The following ADGRB1 variants were observed in gnomAD, a reference collection of about 807,000 sequenced individuals.
ADGRB1 encodes the protein brain-specific angiogenesis inhibitor 1.
ADGRB1 carries 36 observed loss-of-function variants against 175.7 expected under a neutral mutation model. The ratio of observed to expected loss-of-function variants is 0.20; its 90% CI spans 0.16 to 0.27. The LOEUF (loss-of-function observed/expected upper bound fraction) is 0.27, where lower values mean the gene tolerates loss of function less well. Ranked by LOEUF, ADGRB1 falls within the 10% of genes least tolerant of loss-of-function variation. The pLI is 1.00. For synonymous variants in ADGRB1, 1,054 were observed against 979.4 expected (o/e 1.08, Z -1.42); for missense variants, 1,731 against 2,255.3 (o/e 0.77, Z 4.71).
chr8:142,511,006 T>A lies in ADGRB1; in HGVS notation c.2750T>A (p.Leu917His), dbSNP rs1365362749. The change falls in exon 18 of 31, where the codon CTC becomes CAC. Residue 917 changes from leucine (L) to histidine (H), a missense_variant. Around this residue, in one of 8 missense-constraint regions of ADGRB1, gnomAD observed 77 missense variants for 71.6 expected, o/e 1.08. Transcript: ENST00000517894. This position sits in a 1 kb window ranked among gnomAD's most constrained non-coding sequence, Gnocchi z 4.5. The stretch of plus-strand genomic sequence containing the variant: ...TGCCGCACGGTGCCCCTCGACGCCC[T>A]CCGGACGCGCTGCCTCTGTGACCGG... ...RGCRTVPLDA[L>H]RTRCLCDRLS... The A allele has an allele frequency of 1.2e-4, 157 of 1,302,272 alleles. No homozygotes were observed. Among genetic ancestry groups the A allele is most frequent in the Non-Finnish European group, 1.1e-5 (11 of 1,007,508 alleles). The allele number at this position is 1,302,272 out of a possible 1,614,324, so 80.7% of individuals were successfully genotyped here.
At chr8:142,490,859 G>T (rs751610281) in intron 17 of ADGRB1, 44 bp downstream of exon 17, 71 of 1,553,370 alleles carry the variant, frequency 4.6e-5, no homozygotes, top group African/African-American at 9.5e-5. Flanking sequence ...CTGGGGTGGG[G>T]TTCGTGGGAG....
intron 13 of ADGRB1, among the ~76,000 whole-genome samples, chr8:142,487,269 A>G (rs1004197787): frequency 2.0e-5 from 3 of 151,876 alleles, no homozygotes. Context: ...GTGCTGCTCC[A>G]GCGTCCGTCT....
chr8:142,530,561 T>A (rs1291129773), intron 24 of ADGRB1, among the ~76,000 whole-genome samples: 1 of 152,172 alleles, frequency 6.6e-6, no homozygotes, highest in Non-Finnish European at 1.5e-5. Context: ...CTCTGGGCCC[T>A]GGCACTGTGC....
At chr8:142,494,387 C>T (rs1842120193) in intron 17 of ADGRB1, among the ~76,000 whole-genome samples, 1 of 152,120 alleles carries the variant, frequency 6.6e-6, no homozygotes, top group African/African-American at 2.4e-5. Context: ...TAGTCCTGAC[C>T]TTGGTCATAC....
At position 142,484,683 on chromosome 8, in the gene ADGRB1, C is replaced by T. The variant is rs757854025; in HGVS notation, c.2227C>T (p.Arg743Trp). 17 of 1,611,356 alleles carry T rather than the reference C, an allele frequency of 1.1e-5. No homozygotes were observed. Among genetic ancestry groups the T allele is most frequent in the South Asian group, 3.3e-5 (3 of 90,432 alleles). Residue 743 changes from arginine to tryptophan, a missense_variant, in exon 13 of 31, where the codon CGG (arginine) becomes TGG (tryptophan). Arg to Trp is a moderately radical substitution (Grantham distance 101). Around this residue, in one of 8 missense-constraint regions of ADGRB1, gnomAD observed 388 missense variants for 630.9 expected, o/e 0.61. Transcript: ENST00000517894. Reference sequence around the variant, plus strand: ...GGGCCCCAACGCCAAGGAGCTGTTCCGGCTGGTGGAGGACTTTGTGGACGT... The same window carrying T: ...GGGCCCCAACGCCAAGGAGCTGTTCTGGCTGGTGGAGGACTTTGTGGACGT... ...LAGPNAKELF[R>W]LVEDFVDVIG... is the part of the protein sequence containing the mutation.
intron 2 of ADGRB1, among the ~76,000 whole-genome samples, chr8:142,469,573 ATGTGTGCATGTGTGAATGTG>A (rs1288770478): frequency 8.4e-6 from 1 of 119,374 alleles, no homozygotes; most frequent in Non-Finnish European, 1.7e-5. Flanking sequence ...ATGTGTGTGC[ATGTGTGCATGTGTGAATGTG>A]TGTGTGCACG....
chr8:142,537,923 C>G lies in ADGRB1; in HGVS notation c.3666+841C>G, dbSNP rs181581230. 2.4e-4 allele frequency among the ~76,000 whole-genome samples: 36 copies of G among 152,282 alleles called. No homozygotes were observed. The East Asian group carries it at 6.6e-3, about 28-fold the overall frequency. On this transcript the variant is annotated intron_variant, in intron 26 of 30. Coordinates refer to ENST00000517894, the MANE Select transcript of ADGRB1 (RefSeq NM_001702.3). The surrounding 1 kb of genome is among the most constrained non-coding windows in gnomAD (Gnocchi z 4.6). Reference sequence around the variant, plus strand: ...CCTAGTCACCAAGTCTGCTCCCACCCACACCCGTCACTAGACCTCCTGCTT... The same window carrying G: ...CCTAGTCACCAAGTCTGCTCCCACCGACACCCGTCACTAGACCTCCTGCTT...
intron 18 of ADGRB1, among the ~76,000 whole-genome samples, chr8:142,517,103 G>A (rs1563732195): frequency 6.6e-6 from 1 of 152,166 alleles, no homozygotes. Flanking sequence ...GGCACCGCTG[G>A]GGAAGAGCCC....
At position 142,481,315 on chromosome 8, in the gene ADGRB1, C is replaced by T. The variant is rs771792713; in HGVS notation, c.1890C>T (p.Thr630=). ...EEGIAYWEPP[T]YIRCVSIDYR... ...GCATCGCCTACTGGGAGCCCCCCAC[C>T]TACATCCGCTGTGTTTCCATTGACT... is the stretch of plus-strand genomic sequence containing the variant. The change falls in exon 10 of 31, where the codon ACC becomes ACT. Residue 630 remains threonine, a synonymous_variant. Coordinates refer to ENST00000517894, the MANE Select transcript of ADGRB1 (RefSeq NM_001702.3). The T allele has an allele frequency of 6.2e-7, 1 of 1,613,878 alleles. No homozygotes were observed. Among genetic ancestry groups the T allele is most frequent in the South Asian group, 1.1e-5 (1 of 91,084 alleles).
chr8:142,481,122 GTGAGGCCATGGGCGAGTCCC>G, intron 9 of ADGRB1, 112 bp from the exon 10 acceptor site: 1 of 764,576 alleles, frequency 1.3e-6, no homozygotes, highest in Non-Finnish European at 2.2e-6. Flanking sequence ...TGCTCTCGGC[GTGAGGCCATGGGCGAGTCCC>G]TGTTTCTGGG....
intron 19 of ADGRB1, among the ~76,000 whole-genome samples, chr8:142,520,361 TGGTGGTG>T (rs1252481041): frequency 7.1e-6 from 1 of 140,502 alleles, no homozygotes; most frequent in Non-Finnish European, 1.6e-5. Flanking sequence ...TGTATGATGA[TGGTGGTG>T]ATGGTGGTGG....
intron 30 of ADGRB1, 85 bp from the exon 31 acceptor site, chr8:142,544,135 C>A: frequency 7.1e-7 from 1 of 1,407,434 alleles, no homozygotes; most frequent in Non-Finnish European, 9.6e-7. Flanking sequence ...CTCACTGATT[C>A]GTGTCTGCCT....
chr8:142,453,853 G>A (rs1410530726), intron 1 of ADGRB1, among the ~76,000 whole-genome samples: 2 of 152,228 alleles, frequency 1.3e-5, no homozygotes, highest in African/African-American at 4.8e-5. Flanking sequence ...CCACGGAAGG[G>A]CAGGTGGGTG....
At chr8:142,528,959 G>A (rs995674309) in intron 24 of ADGRB1, among the ~76,000 whole-genome samples, 2 of 152,194 alleles carry the variant, frequency 1.3e-5, no homozygotes, top group African/African-American at 2.4e-5. Context: ...TCCCTCTGGG[G>A]CCCGAGTGTG....
At chr8:142,485,800 A>T (rs1195501323) in intron 13 of ADGRB1, among the ~76,000 whole-genome samples, 2 of 152,182 alleles carry the variant, frequency 1.3e-5, no homozygotes, top group African/African-American at 4.8e-5. Context: ...GTCTCAGTCC[A>T]TTTCCTGTTG....
intron 17 of ADGRB1, among the ~76,000 whole-genome samples, chr8:142,505,305 G>T (rs940412002): frequency 2.6e-5 from 4 of 152,236 alleles, no homozygotes; most frequent in Non-Finnish European, 4.4e-5. Context: ...CAGGGCAGGG[G>T]CCCCAAGAGC....
rs1244937806 is a variant in ADGRB1, at chr8:142,492,524, C to T, written c.2675+1709C>T. 6.6e-6 allele frequency among the ~76,000 whole-genome samples: 1 copy of T among 152,198 alleles called. No homozygotes were observed. Among genetic ancestry groups the T allele is most frequent in the African/African-American group, 2.4e-5 (1 of 41,442 alleles). ...CGGCAGAGGCCTGGCAAGCACAGCTCTGCGTGTGAGTGTCTGGGGATGAGC... is the reference window on the plus strand; with the variant it reads ...CGGCAGAGGCCTGGCAAGCACAGCTTTGCGTGTGAGTGTCTGGGGATGAGC... On this transcript the variant is annotated intron_variant, in intron 17 of 30. Transcript: ENST00000517894. This position sits in a 1 kb window ranked among gnomAD's most constrained non-coding sequence, Gnocchi z 4.4.
At chr8:142,499,786 C>T (rs1037060665) in intron 17 of ADGRB1, among the ~76,000 whole-genome samples, 9 of 152,284 alleles carry the variant, frequency 5.9e-5, no homozygotes, top group Admixed American at 4.6e-4. Flanking sequence ...GTAGCGGGGG[C>T]GTGCAAGGAG....
Position 142,464,313 on chromosome 8 carries a change from G to A in ADGRB1, c.115G>A (p.Gly39Arg), listed in dbSNP as rs1165085030. The part of the protein sequence containing the change: ...RAAAGADAGP[G>R]PEPCATLVQG... ...GGCCGCCGGAGCAGACGCGGGGCCCGGGCCCGAGCCGTGCGCCACGCTGGT... is the reference window on the plus strand; with the variant it reads ...GGCCGCCGGAGCAGACGCGGGGCCCAGGCCCGAGCCGTGCGCCACGCTGGT... The change falls in exon 2 of 31, where the codon GGG becomes AGG. Residue 39 changes from glycine (G) to arginine (R), a missense_variant. Gly to Arg is a moderately radical substitution (Grantham distance 125). Transcript: ENST00000517894. The A allele has an allele frequency of 6.9e-7, 1 of 1,443,396 alleles. No homozygotes were observed. The highest frequency in any genetic ancestry group is 9.0e-7 in the Non-Finnish European group (1 of 1,105,658). The allele number at this position is 1,443,396 out of a possible 1,614,324, so 89.4% of individuals were successfully genotyped here. A position where few individuals can be genotyped will look rare whatever the true frequency, so the allele number is the denominator to read the frequency against.
Sources: gnomAD v4.1 joint callset for allele counts (sites outside exome capture counted in the v4.1 genomes callset) on GRCh38, gnomAD v4.1.1 for gene constraint, gnomAD v4.1.1 regional missense constraint, Gnocchi (gnomAD v3.1) non-coding constraint, MANE v1.5 for transcripts, NCBI Gene and HGNC (gene_info 2026-07-23, HGNC 2026-07-21) for gene names.